The following ZFHX3 variants were observed in gnomAD, a reference collection of about 807,000 sequenced individuals.
ZFHX3 encodes the protein zinc finger homeobox 3, also known as zinc finger homeobox protein 3.
A neutral mutation model predicts 279.1 loss-of-function variants in ZFHX3; 42 were observed. The observed-to-expected ratio is 0.15, with a 90% CI of 0.12 to 0.19. ZFHX3 has a LOEUF of 0.19. Ranked by LOEUF, ZFHX3 falls within the 10% of genes least tolerant of loss-of-function variation. ZFHX3 has a pLI of 1.00. For missense variants in ZFHX3, 4,981 were observed against 4,754.0 expected (o/e 1.05, Z -1.40); for synonymous variants, 2,293 against 1,957.8 (o/e 1.17, Z -4.52).
chr16:73,114,894 G>A (rs1966413954), intron 7 of ZFHX3, among the ~76,000 whole-genome samples: 1 of 152,114 alleles, frequency 6.6e-6, no homozygotes. Flanking sequence ...CTGGGCTCAA[G>A]AAATCCTCCC....
At chr16:73,330,729 A>G (rs2015786223) in intron 3 of ZFHX3, among the ~76,000 whole-genome samples, 1 of 152,222 alleles carries the variant, frequency 6.6e-6, no homozygotes, top group Admixed American at 6.5e-5. Flanking sequence ...TCATTATCAA[A>G]TATTTATGAT....
chr16:73,619,780 A>G (rs1299490505), intron 2 of ZFHX3, among the ~76,000 whole-genome samples: 1 of 151,984 alleles, frequency 6.6e-6, no homozygotes, highest in African/African-American at 2.4e-5. Context: ...ACCCACTTCC[A>G]CAAAACTATC....
chr16:72,834,186 T>A (rs2037129850), intron 4 of ZFHX3, among the ~76,000 whole-genome samples: 1 of 152,192 alleles, frequency 6.6e-6, no homozygotes, highest in Non-Finnish European at 1.5e-5. Context: ...CAGTTGAGGC[T>A]GCAGTGAGCC....
At chr16:73,824,443 C>T (rs1383127978) in intron 1 of ZFHX3, among the ~76,000 whole-genome samples, 3 of 129,412 alleles carry the variant, frequency 2.3e-5, no homozygotes, top group Non-Finnish European at 4.8e-5. Flanking sequence ...GGTACATGTG[C>T]ACATTGTGCA....
chr16:73,055,707 CACACACACACACACAT>C (rs879935985), intron 1 of ZFHX3, among the ~76,000 whole-genome samples: 27 of 150,674 alleles, frequency 1.8e-4, no homozygotes, highest in South Asian at 4.3e-4. Context: ...CGCACACACA[CACACACACACACACAT>C]ACACACACAC....
At chr16:73,394,108 C>G (rs11644738) in intron 3 of ZFHX3, among the ~76,000 whole-genome samples, 1 of 150,640 alleles carries the variant, frequency 6.6e-6, no homozygotes, top group African/African-American at 2.4e-5. Flanking sequence ...GATTTCACCA[C>G]CAGTTCCTCT....
chr16:73,055,284 G>C (rs1474991069), intron 1 of ZFHX3, among the ~76,000 whole-genome samples: 1 of 151,874 alleles, frequency 6.6e-6, no homozygotes, highest in Non-Finnish European at 1.5e-5. Flanking sequence ...GTTTTGTTTT[G>C]GATTCGGTAT....
chr16:73,819,318 C>G (rs1960668279), intron 1 of ZFHX3, among the ~76,000 whole-genome samples: 1 of 150,514 alleles, frequency 6.6e-6, no homozygotes, highest in Admixed American at 6.7e-5. Context: ...GGCATCATCT[C>G]TAGTTTCTGC....
At chr16:73,263,363 A>G (rs2013876907) in intron 4 of ZFHX3, among the ~76,000 whole-genome samples, 1 of 152,026 alleles carries the variant, frequency 6.6e-6, no homozygotes, top group Non-Finnish European at 1.5e-5. Context: ...TTTTATTTTC[A>G]TTTTTTAAGA....
At position 73,346,674 on chromosome 16, in the gene ZFHX3, G is replaced by A. The variant is rs141966290; in HGVS notation, c.-1290-28338C>T. Among the ~76,000 whole-genome samples the A allele has an allele frequency of 6.2e-3, 949 of 152,234 alleles. 42 individuals are homozygous for A. Among genetic ancestry groups the A allele is most frequent in the Admixed American group, 0.058 (885 of 15,286 alleles). On this transcript the variant is annotated intron_variant, in intron 3 of 17. Transcript: ENST00000641206. Reference sequence around the variant, plus strand: ...TTTTGTAGAGATGGGGTTTCATCATGTTGGCCAAGCTGGTCTCAAACTCCT... The same window carrying A: ...TTTTGTAGAGATGGGGTTTCATCATATTGGCCAAGCTGGTCTCAAACTCCT...
intron 7 of ZFHX3, among the ~76,000 whole-genome samples, chr16:73,110,853 C>T (rs1416948764): frequency 1.3e-5 from 2 of 152,100 alleles, no homozygotes; most frequent in Non-Finnish European, 1.5e-5. Context: ...TGTGAACCAC[C>T]GTGCCTGGCC....
In ZFHX3 at chr16:72,794,901, G is replaced by C; in HGVS notation, c.7781C>G (p.Pro2594Arg). The C allele has an allele frequency of 6.2e-7, 1 of 1,614,094 alleles. No homozygotes were observed. Among genetic ancestry groups the C allele is most frequent in the Non-Finnish European group, 8.5e-7 (1 of 1,180,026 alleles). The change falls in exon 9 of 10, where the codon CCT (proline) becomes CGT (arginine). Residue 2594 changes from proline (P) to arginine (R), a missense_variant. Around this residue, in one of 7 missense-constraint regions of ZFHX3, gnomAD observed 744 missense variants for 701.3 expected, o/e 1.06. Transcript: ENST00000268489. This position sits in a 1 kb window ranked among gnomAD's most constrained non-coding sequence, Gnocchi z 4.2. ...LASQLLSGAI[P>R]QIPASSATSP... ...AGTGGCTGAGCTTGCTGGAATCTGA[G>C]GTATGGCCCCAGAGAGCAGCTGGCT...
At chr16:73,159,770 T>C (rs1032325020) in intron 5 of ZFHX3, among the ~76,000 whole-genome samples, 2 of 152,180 alleles carry the variant, frequency 1.3e-5, no homozygotes, top group Non-Finnish European at 2.9e-5. Context: ...ATATTATCAT[T>C]ATTATTTTTT....
intron 1 of ZFHX3, among the ~76,000 whole-genome samples, chr16:73,731,101 T>C (rs1052827981): frequency 6.6e-6 from 1 of 152,208 alleles, no homozygotes; most frequent in Admixed American, 6.5e-5. Context: ...CATTCATATA[T>C]TGTTTATAAG....
intron 7 of ZFHX3, among the ~76,000 whole-genome samples, chr16:72,806,505 C>G (rs889069014): frequency 6.6e-6 from 1 of 152,184 alleles, no homozygotes; most frequent in Non-Finnish European, 1.5e-5. Flanking sequence ...AAATGGCTAT[C>G]ATCTCACAGG....
intron 1 of ZFHX3, among the ~76,000 whole-genome samples, chr16:72,977,087 T>C (rs1597044639): frequency 6.6e-6 from 1 of 152,262 alleles, no homozygotes; most frequent in African/African-American, 2.4e-5. Flanking sequence ...TAAGCATTTC[T>C]TCTCCTTTGA....
intron 1 of ZFHX3, among the ~76,000 whole-genome samples, chr16:73,820,914 A>C (rs1179292571): frequency 6.6e-6 from 1 of 151,910 alleles, no homozygotes; most frequent in Non-Finnish European, 1.5e-5. Flanking sequence ...AGACATCATC[A>C]TCACCCTATT....
intron 1 of ZFHX3, among the ~76,000 whole-genome samples, chr16:73,747,784 C>A (rs1251455458): frequency 6.6e-6 from 1 of 152,180 alleles, no homozygotes; most frequent in Non-Finnish European, 1.5e-5. Flanking sequence ...AAGAGAATTT[C>A]TTCAACCAAA....
chr16:73,366,894 C>T (rs899902926), intron 3 of ZFHX3, among the ~76,000 whole-genome samples: 3 of 152,150 alleles, frequency 2.0e-5, no homozygotes, highest in African/African-American at 7.2e-5. Context: ...TTCTAAAGTT[C>T]TTTGACATAG....
Sources: gnomAD v4.1 joint callset for allele counts (sites outside exome capture counted in the v4.1 genomes callset) on GRCh38, gnomAD v4.1.1 for gene constraint, gnomAD v4.1.1 regional missense constraint, Gnocchi (gnomAD v3.1) non-coding constraint, MANE v1.5 for transcripts, NCBI Gene and HGNC (gene_info 2026-07-23, HGNC 2026-07-21) for gene names.